CDH13: variants seen among roughly 807,000 people sequenced by gnomAD.
CDH13 encodes the protein cadherin-13.
Under a neutral mutation model 63.8 loss-of-function variants are expected in CDH13, and 24 were observed. The ratio of observed to expected loss-of-function variants is 0.38; its 90% CI spans 0.27 to 0.53. The LOEUF (loss-of-function observed/expected upper bound fraction) is 0.53. Among genes scored for constraint, CDH13 ranks in the 20% least tolerant of loss-of-function variants. CDH13 has a pLI of 0.85. For synonymous variants in CDH13, 503 were observed against 355.3 expected, an observed-to-expected ratio of 1.42 and a Z score of -4.67; for missense variants, 1,049 against 903.1, an observed-to-expected ratio of 1.16 and a Z score of -2.07.
chr16:83,610,921 C>T (rs149888862), intron 8 of CDH13, among the ~76,000 whole-genome samples: 2 of 152,272 alleles, frequency 1.3e-5, no homozygotes, highest in Non-Finnish European at 2.9e-5. Flanking sequence ...CACTGAGAAT[C>T]TTGACTGCTA....
chr16:83,495,142 G>C (rs982779103), intron 7 of CDH13, among the ~76,000 whole-genome samples: 1 of 152,172 alleles, frequency 6.6e-6, no homozygotes, highest in Non-Finnish European at 1.5e-5. Context: ...CATGGCCACT[G>C]ACTCAGCCCT....
At chr16:83,595,436 T>C (rs546863651) in intron 7 of CDH13, among the ~76,000 whole-genome samples, 22 of 152,286 alleles carry the variant, frequency 1.4e-4, no homozygotes, top group African/African-American at 4.8e-4. Context: ...CTTAGGGAGA[T>C]AGTAAATGGG....
chr16:83,503,989 C>G lies in CDH13; in HGVS notation c.960+17334C>G, dbSNP rs188592217. On this transcript the variant is annotated intron_variant, in intron 7 of 13. Transcript: ENST00000567109. ...GGCAAGGGAAGGGACAGCATTAGGA[C>G]AGATGCCCAATGCATGTGGGGCTTA... Among the ~76,000 whole-genome samples the G allele has an allele frequency of 2.0e-4, 30 of 152,136 alleles. No homozygotes were observed. In the East Asian group the frequency reaches 5.4e-3, roughly 28 times the overall value.
chr16:82,786,297 A>G (rs1353936550), intron 1 of CDH13, among the ~76,000 whole-genome samples: 1 of 152,188 alleles, frequency 6.6e-6, no homozygotes, highest in African/African-American at 2.4e-5. Flanking sequence ...AAATCTTAAA[A>G]CCATCATAGA....
intron 5 of CDH13, among the ~76,000 whole-genome samples, chr16:83,283,943 C>G (rs889701704): frequency 2.6e-5 from 4 of 152,132 alleles, no homozygotes; most frequent in African/African-American, 9.7e-5. Context: ...TGACACATAG[C>G]AAGTTCTCAA....
intron 6 of CDH13, among the ~76,000 whole-genome samples, chr16:83,449,214 TATA>T (rs2072808735): frequency 6.6e-6 from 1 of 152,196 alleles, no homozygotes; most frequent in Non-Finnish European, 1.5e-5. Flanking sequence ...TCTTCTCATT[TATA>T]ATGTCAAGCC....
At position 83,458,973 on chromosome 16, in the gene CDH13, G is replaced by A. The variant is rs34697109; in HGVS notation, c.782-27504G>A. Among the ~76,000 whole-genome samples the A allele has an allele frequency of 2.8e-3, 421 of 152,290 alleles. 3 individuals carry two copies. The highest frequency in any genetic ancestry group is 6.7e-3 in the African/African-American group (280 of 41,556). On this transcript the variant is annotated intron_variant, in intron 6 of 13. Transcript: ENST00000567109. ...AGTGTCTATTTACAGATGATGAAAC[G>A]ACAATTTTTCATGGGGTTTTTCTTT...
intron 1 of CDH13, among the ~76,000 whole-genome samples, chr16:82,768,549 A>G (rs2035147059): frequency 6.6e-6 from 1 of 152,178 alleles, no homozygotes; most frequent in South Asian, 2.1e-4. Context: ...GGTGCTTTTT[A>G]TATCTTCAAA....
intron 2 of CDH13, among the ~76,000 whole-genome samples, chr16:82,994,227 C>G (rs748434087): frequency 1.3e-5 from 2 of 152,174 alleles, no homozygotes; most frequent in South Asian, 4.1e-4. Context: ...CACTCACTGG[C>G]TTAGCTTTTC....
At chr16:83,134,757 G>A (rs2036209019) in intron 4 of CDH13, among the ~76,000 whole-genome samples, 1 of 152,160 alleles carries the variant, frequency 6.6e-6, no homozygotes, top group African/African-American at 2.4e-5. Context: ...CCATTCGCAA[G>A]TGTTGCCCTC....
At chr16:83,256,216 A>G (rs973280410) in intron 5 of CDH13, among the ~76,000 whole-genome samples, 1 of 152,026 alleles carries the variant, frequency 6.6e-6, no homozygotes, top group Non-Finnish European at 1.5e-5. Flanking sequence ...TACTTTTTGT[A>G]GAGATGGGAT....
At position 83,049,615 on chromosome 16, in the gene CDH13, G is replaced by C. The variant is rs28704923; in HGVS notation, c.366+17397G>C. 3.4e-3 allele frequency among the ~76,000 whole-genome samples: 513 copies of C among 152,064 alleles called. 7 individuals carry two copies. Among genetic ancestry groups the C allele is most frequent in the African/African-American group, 0.012 (488 of 41,466 alleles). On this transcript the variant is annotated intron_variant, in intron 3 of 13. Transcript: ENST00000567109. The stretch of plus-strand genomic sequence containing the variant: ...CTCCCAGAGTGCTGGGATTACAGGC[G>C]TGAATGACTGGCCTCTTTTACTTTG...
intron 2 of CDH13, among the ~76,000 whole-genome samples, chr16:82,862,121 T>A (rs2039968328): frequency 6.6e-6 from 1 of 152,120 alleles, no homozygotes; most frequent in Non-Finnish European, 1.5e-5. Flanking sequence ...GGCACCCATA[T>A]CTCCCTCAAA....
chr16:83,000,487 A>G (rs1317770608), intron 2 of CDH13, among the ~76,000 whole-genome samples: 2 of 148,726 alleles, frequency 1.3e-5, no homozygotes. Context: ...ACCTCAGGTG[A>G]TCCACTCACC....
intron 7 of CDH13, among the ~76,000 whole-genome samples, chr16:83,511,112 GCA>G (rs35731151): frequency 5.3e-5 from 8 of 151,104 alleles, no homozygotes; most frequent in South Asian, 2.1e-4. Context: ...ATGCACGCAT[GCA>G]CACACATGCA....
At chr16:83,621,285 C>G (rs1909788090) in intron 8 of CDH13, among the ~76,000 whole-genome samples, 1 of 152,098 alleles carries the variant, frequency 6.6e-6, no homozygotes, top group Admixed American at 6.6e-5. Context: ...AGTGGTCTAG[C>G]CCTTGGGGTC....
At chr16:82,735,069 C>G (rs1229507848) in intron 1 of CDH13, among the ~76,000 whole-genome samples, 1 of 152,180 alleles carries the variant, frequency 6.6e-6, no homozygotes, top group Non-Finnish European at 1.5e-5. Context: ...GGCAGACTCT[C>G]TCTTTTGAAG....
chr16:83,536,791 A>G (rs1484986305), intron 7 of CDH13, among the ~76,000 whole-genome samples: 1 of 152,200 alleles, frequency 6.6e-6, no homozygotes, highest in Non-Finnish European at 1.5e-5. Context: ...AGAAGGTGCC[A>G]CTTCGAGGGC....
intron 2 of CDH13, among the ~76,000 whole-genome samples, chr16:83,030,802 T>G (rs1022612404): frequency 6.6e-6 from 1 of 151,856 alleles, no homozygotes; most frequent in African/African-American, 2.4e-5. Context: ...CTTACTGGCT[T>G]TTCCCAACTT....
Sources: allele counts gnomAD v4.1 joint callset (sites outside exome capture counted in the v4.1 genomes callset), GRCh38; gene constraint gnomAD v4.1.1; transcripts MANE v1.5; gene names NCBI Gene and HGNC (gene_info 2026-07-23, HGNC 2026-07-21).